CNTN5: variants seen among roughly 807,000 people sequenced by gnomAD.
The protein encoded by CNTN5 is contactin 5.
A neutral mutation model predicts 129.1 loss-of-function variants in CNTN5; 77 were observed. The observed-to-expected ratio is 0.60, with a 90% CI of 0.50 to 0.72. CNTN5 has a LOEUF of 0.72. Among genes scored for constraint, CNTN5 ranks in the 30% least tolerant of loss-of-function variants. CNTN5 has a pLI of 0.00. For synonymous variants in CNTN5, 509 were observed against 465.6 expected, an observed-to-expected ratio of 1.09 and a Z score of -1.20; for missense variants, 1,478 against 1,328.8, an observed-to-expected ratio of 1.11 and a Z score of -1.75.
intron 2 of CNTN5, among the ~76,000 whole-genome samples, chr11:99,528,591 G>A (rs139385045): frequency 0.014 from 2,165 of 152,266 alleles, 21 homozygotes; most frequent in Non-Finnish European, 0.02. Flanking sequence ...AAATGCACAC[G>A]TACAAATGGG....
intron 3 of CNTN5, among the ~76,000 whole-genome samples, chr11:99,705,475 A>G (rs1211819139): frequency 6.6e-6 from 1 of 151,358 alleles, no homozygotes; most frequent in East Asian, 1.9e-4. Context: ...TTGTGTGTAT[A>G]CTCAAATTCT....
chr11:99,736,191 A>G (rs888891911), intron 3 of CNTN5, among the ~76,000 whole-genome samples: 25 of 152,204 alleles, frequency 1.6e-4, no homozygotes, highest in African/African-American at 4.3e-4. Flanking sequence ...AGCTTTCAAC[A>G]AAGTTGCAGG....
At chr11:99,367,807 C>T (rs556542129) in intron 2 of CNTN5, among the ~76,000 whole-genome samples, 100 of 152,152 alleles carry the variant, frequency 6.6e-4, no homozygotes, top group African/African-American at 2.3e-3. Context: ...ATTAAGAACA[C>T]CAGTACCTAG....
rs553021934 is a variant in CNTN5, at chr11:99,846,274, C to T, written c.577+1012C>T. ...CTGGGAGGCTGAGGCAGGAGAATTG[C>T]TTGAACCTGGGAGGTGGAGGTTGTA... On this transcript the variant is annotated intron_variant, in intron 6 of 24. Coordinates refer to ENST00000524871, the MANE Select transcript of CNTN5 (RefSeq NM_014361.4). Among the ~76,000 whole-genome samples the T allele has an allele frequency of 2.8e-5, 4 of 140,932 alleles. No homozygotes were observed. In the East Asian group the frequency reaches 9.2e-4, roughly 32 times the overall value. The allele number at this position is 140,932 out of a possible 152,430, so 92.5% of individuals were successfully genotyped here.
chr11:99,451,996 T>C (rs1220166631), intron 2 of CNTN5, among the ~76,000 whole-genome samples: 2 of 152,282 alleles, frequency 1.3e-5, no homozygotes, highest in East Asian at 3.9e-4. Context: ...TACAAATTGC[T>C]ATGTGTTCAA....
intron 15 of CNTN5, among the ~76,000 whole-genome samples, chr11:100,210,585 T>C (rs1330517230): frequency 6.6e-6 from 1 of 152,184 alleles, no homozygotes; most frequent in Non-Finnish European, 1.5e-5. Flanking sequence ...TATTGATTAA[T>C]GCATTTGAGA....
At chr11:99,185,746 G>A (rs541698767) in intron 1 of CNTN5, among the ~76,000 whole-genome samples, 2 of 151,200 alleles carry the variant, frequency 1.3e-5, no homozygotes, top group South Asian at 4.2e-4. Flanking sequence ...TCTCTTTGGT[G>A]AAAAAAGGAG....
chr11:99,220,987 C>T (rs373363379), intron 1 of CNTN5, among the ~76,000 whole-genome samples: 3 of 151,956 alleles, frequency 2.0e-5, no homozygotes, highest in African/African-American at 7.2e-5. Flanking sequence ...ATACAATTTA[C>T]AGATACTGTA....
intron 2 of CNTN5, among the ~76,000 whole-genome samples, chr11:99,550,123 G>T (rs1349033963): frequency 2.0e-5 from 3 of 152,072 alleles, no homozygotes; most frequent in Non-Finnish European, 2.9e-5. Context: ...ATGTTAAAAA[G>T]AATGCCTCCA....
intron 6 of CNTN5, among the ~76,000 whole-genome samples, chr11:99,846,768 T>C (rs191503010): frequency 5.1e-4 from 78 of 152,180 alleles, no homozygotes; most frequent in Non-Finnish European, 8.8e-4. Flanking sequence ...AAGGAAAGAA[T>C]AAAGAATTGA....
chr11:99,443,632 A>G (rs1943933150), intron 2 of CNTN5, among the ~76,000 whole-genome samples: 1 of 152,158 alleles, frequency 6.6e-6, no homozygotes, highest in South Asian at 2.1e-4. Flanking sequence ...AGAGTATACG[A>G]CTGCTTGTGC....
At chr11:100,266,154 A>C (rs1950299458) in intron 17 of CNTN5, among the ~76,000 whole-genome samples, 1 of 152,086 alleles carries the variant, frequency 6.6e-6, no homozygotes, top group Non-Finnish European at 1.5e-5. Context: ...ACTTTGGGAC[A>C]TCCTGAGGTG....
chr11:99,531,880 G>A (rs1947720787), intron 2 of CNTN5, among the ~76,000 whole-genome samples: 2 of 152,128 alleles, frequency 1.3e-5, no homozygotes, highest in Admixed American at 6.5e-5. Flanking sequence ...GTAGGGGCGG[G>A]GCCCTACATT....
intron 2 of CNTN5, among the ~76,000 whole-genome samples, chr11:99,371,447 A>T (rs1939818403): frequency 6.6e-6 from 1 of 152,136 alleles, no homozygotes; most frequent in South Asian, 2.1e-4. Flanking sequence ...GTAATGACTC[A>T]TAGTAAGTTA....
chr11:99,919,198 C>T (rs1949871507), intron 7 of CNTN5, among the ~76,000 whole-genome samples: 1 of 152,124 alleles, frequency 6.6e-6, no homozygotes, highest in South Asian at 2.1e-4. Flanking sequence ...GCTTTACTTC[C>T]AACGGTATAG....
chr11:100,059,525 T>C (rs1374574346), intron 9 of CNTN5, among the ~76,000 whole-genome samples: 3 of 148,666 alleles, frequency 2.0e-5, no homozygotes, highest in Non-Finnish European at 4.5e-5. Flanking sequence ...GCAAGCAAAA[T>C]AATAAAAAAA....
chr11:99,766,013 TATC>T (rs1310861727), intron 3 of CNTN5, among the ~76,000 whole-genome samples: 2 of 152,048 alleles, frequency 1.3e-5, no homozygotes, highest in African/African-American at 4.8e-5. Context: ...GCATCTTGAA[TATC>T]ATCTGTGATT....
intron 9 of CNTN5, among the ~76,000 whole-genome samples, chr11:100,017,713 T>TA (rs1208441774): frequency 6.6e-6 from 1 of 152,046 alleles, no homozygotes; most frequent in Admixed American, 6.6e-5. Flanking sequence ...TTTCATTTTA[T>TA]AAAATCATCA....
chr11:99,776,904 C>T (rs1945143546), intron 3 of CNTN5, among the ~76,000 whole-genome samples: 1 of 151,820 alleles, frequency 6.6e-6, no homozygotes, highest in South Asian at 2.1e-4. Flanking sequence ...AGGACCAGCC[C>T]CAGCTCCAAT....
Sources: allele counts gnomAD v4.1 joint callset (sites outside exome capture counted in the v4.1 genomes callset), GRCh38; gene constraint gnomAD v4.1.1; transcripts MANE v1.5; gene names NCBI Gene and HGNC (gene_info 2026-07-23, HGNC 2026-07-21).